MACF1: variants seen among roughly 807,000 people sequenced by gnomAD.
MACF1 encodes microtubule actin crosslinking factor 1, also known as microtubule-actin cross-linking factor 1.
A neutral mutation model predicts 854.8 loss-of-function variants in MACF1; 193 were observed. The ratio of observed to expected loss-of-function variants is 0.23; its 90% CI spans 0.20 to 0.25. The LOEUF (loss-of-function observed/expected upper bound fraction) is 0.25, where lower values mean the gene tolerates loss of function less well. Among genes scored for constraint, MACF1 ranks in the 10% least tolerant of loss-of-function variants. The pLI is 1.00. For synonymous variants in MACF1, 3,185 were observed against 3,226.7 expected (o/e 0.99, Z 0.44); for missense variants, 7,722 against 8,929.1 (o/e 0.86, Z 5.45).
At chr1:39,268,408 G>T in intron 6 of MACF1, 1 of 1,022,092 alleles carries the variant, frequency 9.8e-7, no homozygotes, top group Non-Finnish European at 1.2e-6. Flanking sequence ...AGAGGAAGCT[G>T]CAGCCAATCC....
rs189798134 is a variant in MACF1 at position 39,471,909 on chromosome 1, C to T, written c.21958+2294C>T. Among the ~76,000 whole-genome samples, 5 of 152,220 alleles carry T rather than the reference C, an allele frequency of 3.3e-5. No homozygotes were observed. In the East Asian group the frequency reaches 7.7e-4, roughly 23 times the overall value. On this transcript the variant is annotated intron_variant, in intron 97 of 100. Transcript: ENST00000564288. ...ACTAAGTATATTTGTGTCATACTAC[C>T]GTCACCACCGTCCATCCACAGAACT...
At chr1:39,318,143 C>G (rs1272985263) in intron 29 of MACF1, among the ~76,000 whole-genome samples, 2 of 152,154 alleles carry the variant, frequency 1.3e-5, no homozygotes, top group Non-Finnish European at 2.9e-5. Context: ...CCAATACTAC[C>G]TTATTGGTCA....
rs1181635522 is a variant in MACF1, at chr1:39,334,616, C to T, written c.8028C>T (p.Asp2676=). 6.2e-6 allele frequency: 10 copies of T among 1,614,112 alleles called. No individual in the cohort carries two copies. Among genetic ancestry groups the T allele is most frequent in the South Asian group, 1.1e-5 (1 of 91,078 alleles). Residue 2676 remains aspartate (D), a synonymous_variant, in exon 37 of 101, where the codon GAC becomes GAT. Transcript: ENST00000564288. ...LSQAIQLGKV[D]FASTLKVLEA... is the part of the protein sequence containing the mutation. ...AAGCAATTCAGCTTGGAAAAGTAGACTTTGCATCTACGCTGAAGGTTCTAG... is the reference window on the plus strand; with the variant it reads ...AAGCAATTCAGCTTGGAAAAGTAGATTTTGCATCTACGCTGAAGGTTCTAG...
At chr1:39,414,300 C>T (rs1643185057) in intron 58 of MACF1, 1 of 1,613,938 alleles carries the variant, frequency 6.2e-7, no homozygotes, top group African/African-American at 1.3e-5. Flanking sequence ...TTTCTGCCCA[C>T]ACTGACTCAG....
chr1:39,393,192 A>ATATATATATATAT (rs1434134146), intron 58 of MACF1, among the ~76,000 whole-genome samples: 19 of 84,626 alleles, frequency 2.2e-4, no homozygotes, highest in African/African-American at 1.0e-3. Flanking sequence ...AAAAAAAAAA[A>ATATATATATATAT]AAAAATATAT....
intron 98 of MACF1, among the ~76,000 whole-genome samples, chr1:39,480,580 G>A (rs889505315): frequency 1.5e-4 from 23 of 151,988 alleles, no homozygotes; most frequent in African/African-American, 5.5e-4. Flanking sequence ...AGTAAGCTAT[G>A]AACTGCACCA....
At chr1:39,272,495 A>T (rs535786731) in intron 6 of MACF1, among the ~76,000 whole-genome samples, 2 of 152,192 alleles carry the variant, frequency 1.3e-5, no homozygotes, top group Non-Finnish European at 2.9e-5. Context: ...TGGCAGTCCA[A>T]TTGAGTTGTT....
At chr1:39,209,498 A>G (rs1427499617) in intron 1 of MACF1, among the ~76,000 whole-genome samples, 3 of 152,114 alleles carry the variant, frequency 2.0e-5, no homozygotes, top group Non-Finnish European at 4.4e-5. Flanking sequence ...TTACCTGTAA[A>G]GTGAAGGAGT....
In MACF1 at chr1:39,146,450, A is replaced by C. The variant is rs376079933; in HGVS notation, c.220+62012A>C. Among the ~76,000 whole-genome samples the C allele has an allele frequency of 2.9e-3, 397 of 137,270 alleles. 2 individuals carry two copies. The highest frequency in any genetic ancestry group is 0.01 in the African/African-American group (363 of 35,722). 90.1% of individuals were successfully genotyped at this position (137,270 alleles called of 152,430 possible). A position where few individuals can be genotyped will look rare whatever the true frequency, so the allele number is the denominator to read the frequency against. ...AGAGCAAGACTCTGTCTCCTCTCCC[A>C]AAAAAAAAAAAAAAGAAAGAAAGAA... On this transcript the variant is annotated intron_variant, in intron 2 of 93. Coordinates refer to the MACF1 transcript ENST00000361689.
intron 1 of MACF1, among the ~76,000 whole-genome samples, chr1:39,219,633 C>T (rs750594475): frequency 2.0e-5 from 3 of 152,166 alleles, no homozygotes; most frequent in African/African-American, 2.4e-5. Flanking sequence ...ATTTCCTTTG[C>T]GCTTACATTG....
chr1:39,165,089 T>C (rs1643869483), intron 2 of MACF1, among the ~76,000 whole-genome samples: 1 of 152,140 alleles, frequency 6.6e-6, no homozygotes, highest in Non-Finnish European at 1.5e-5. Context: ...AGAAGGCACA[T>C]GTGTAGGACT....
intron 26 of MACF1, among the ~76,000 whole-genome samples, chr1:39,311,922 T>G (rs1646308971): frequency 6.6e-6 from 1 of 152,192 alleles, no homozygotes; most frequent in Non-Finnish European, 1.5e-5. Context: ...TTTCTATTTT[T>G]TCCCCCCAAA....
intron 97 of MACF1, among the ~76,000 whole-genome samples, chr1:39,470,694 T>G (rs1005070744): frequency 6.6e-6 from 1 of 152,220 alleles, no homozygotes; most frequent in Admixed American, 6.5e-5. Context: ...GTATTTAGTT[T>G]TAGAATTTAA....
intron 2 of MACF1, among the ~76,000 whole-genome samples, chr1:39,086,154 G>C (rs1412771767): frequency 6.6e-6 from 1 of 152,222 alleles, no homozygotes; most frequent in East Asian, 1.9e-4. Context: ...GTACATGCTA[G>C]AGATCAATTG....
At chr1:39,251,259 T>A (rs1645037583) in intron 3 of MACF1, among the ~76,000 whole-genome samples, 1 of 152,198 alleles carries the variant, frequency 6.6e-6, no homozygotes, top group South Asian at 2.1e-4. Context: ...GCCGGCACAT[T>A]TAATTTCTAG....
At chr1:39,217,173 T>C (rs1225900307) in intron 1 of MACF1, among the ~76,000 whole-genome samples, 1 of 152,236 alleles carries the variant, frequency 6.6e-6, no homozygotes, top group Non-Finnish European at 1.5e-5. Flanking sequence ...TAACTTATTA[T>C]GTGTGAGAGA....
intron 60 of MACF1, among the ~76,000 whole-genome samples, chr1:39,423,649 A>AG (rs1278130691): frequency 1.3e-5 from 2 of 151,852 alleles, no homozygotes; most frequent in Non-Finnish European, 2.9e-5. Context: ...AAAAAAAAAA[A>AG]AAATGTTTAT....
At position 39,424,010 on chromosome 1, in the gene MACF1, T is replaced by C; in HGVS notation, c.16150-18T>C. 6.3e-7 allele frequency: 1 copy of C among 1,585,692 alleles called. No homozygotes were observed. Among genetic ancestry groups the C allele is most frequent in the Non-Finnish European group, 8.6e-7 (1 of 1,164,406 alleles). On this transcript the variant is annotated intron_variant, in intron 60 of 100. Coordinates refer to ENST00000564288, the MANE Select transcript of MACF1 (RefSeq NM_001394062.1). ...CAAAATGATCCTGTGTTACAGCTTT[T>C]CATTCTCTTTATAATAGTTGCTCCA...
chr1:39,163,355 A>AAG (rs1553152684), intron 2 of MACF1, among the ~76,000 whole-genome samples: 2 of 150,718 alleles, frequency 1.3e-5, no homozygotes, highest in Non-Finnish European at 1.5e-5. Flanking sequence ...AAAAAAAAAA[A>AAG]AAAAAGAAAA....
Sources: allele counts gnomAD v4.1 joint callset (sites outside exome capture counted in the v4.1 genomes callset), GRCh38; gene constraint gnomAD v4.1.1; transcripts MANE v1.5; gene names NCBI Gene and HGNC (gene_info 2026-07-23, HGNC 2026-07-21).